The following UTRN variants were observed in gnomAD, a reference collection of about 807,000 sequenced individuals.
UTRN encodes dystrophin-related protein 1.
In UTRN, 283 loss-of-function variants were observed where a neutral mutation model predicts 463.9. The observed-to-expected ratio is 0.61, with a 90% confidence interval of 0.55 to 0.67. UTRN has a LOEUF of 0.67. UTRN is among the 30% of genes least tolerant of loss of function. The probability of loss-of-function intolerance (pLI) is 0.00; values close to 1 mark genes in which losing one functional copy is unlikely to be tolerated. For synonymous variants in UTRN, 1,442 were observed against 1,431.5 expected (o/e 1.01, Z -0.17); for missense variants, 3,922 against 4,084.3 (o/e 0.96, Z 1.08).
chr6:144,477,370 A>T (rs1378405562), intron 25 of UTRN, among the ~76,000 whole-genome samples: 1 of 152,190 alleles, frequency 6.6e-6, no homozygotes, highest in Non-Finnish European at 1.5e-5. Context: ...GCATAACTGA[A>T]TATTTTGCTT....
At chr6:144,762,243 C>T (rs1260116436) in intron 58 of UTRN, among the ~76,000 whole-genome samples, 1 of 152,168 alleles carries the variant, frequency 6.6e-6, no homozygotes, top group African/African-American at 2.4e-5. Context: ...TTGTCTACAG[C>T]TCCTGAACTC....
At chr6:144,775,411 T>G (rs1442600796) in intron 60 of UTRN, among the ~76,000 whole-genome samples, 1 of 152,110 alleles carries the variant, frequency 6.6e-6, no homozygotes, top group Non-Finnish European at 1.5e-5. Context: ...CAAGGAAGAA[T>G]GAGATGACCT....
At chr6:144,334,120 G>C (rs1776538080) in intron 2 of UTRN, among the ~76,000 whole-genome samples, 1 of 152,024 alleles carries the variant, frequency 6.6e-6, no homozygotes. Flanking sequence ...ATGATGATTT[G>C]CACTTCTGAC....
At chr6:144,533,021 G>T in intron 42 of UTRN, 64 bp from the exon 43 acceptor site, 1 of 845,584 alleles carries the variant, frequency 1.2e-6, no homozygotes. Flanking sequence ...TACTTGGGTG[G>T]ATTCATTGCA....
At chr6:144,640,412 C>A (rs182508254) in intron 51 of UTRN, among the ~76,000 whole-genome samples, 270 of 152,160 alleles carry the variant, frequency 1.8e-3, no homozygotes, top group African/African-American at 6.3e-3. Flanking sequence ...ACCAAGGAAC[C>A]CCAAAAGCTT....
At chr6:144,784,702 T>C (rs1050726778) in intron 61 of UTRN, among the ~76,000 whole-genome samples, 1 of 152,184 alleles carries the variant, frequency 6.6e-6, no homozygotes, top group Non-Finnish European at 1.5e-5. Context: ...GTGTGTGAAA[T>C]GCCGTGATTC....
chr6:144,821,719 A>G (rs1343000756), intron 66 of UTRN, among the ~76,000 whole-genome samples: 1 of 152,116 alleles, frequency 6.6e-6, no homozygotes, highest in African/African-American at 2.4e-5. Context: ...AATGACCCAG[A>G]AAAAATGCAA....
intron 2 of UTRN, among the ~76,000 whole-genome samples, chr6:144,367,913 C>T (rs911995987): frequency 4.6e-5 from 7 of 152,228 alleles, no homozygotes; most frequent in Admixed American, 1.3e-4. Context: ...TTCCGAGTAG[C>T]TGGGATTACA....
Position 144,537,585 on chromosome 6 carries a change from A to T in UTRN, c.6237A>T (p.Leu2079=). ...TTTAAATAATATATTCTTTTAGGCT[A>T]AAAGGAGAAAGTAAGCAGGTGATGA... is the stretch of plus-strand genomic sequence containing the variant. ...VAEVKDRQPR[L]KGESKQVMKY... is the part of the protein sequence containing the mutation. The change falls in exon 44 of 75, where the codon CTA becomes CTT. Residue 2079 remains leucine, a synonymous_variant. Coordinates refer to ENST00000367545, the MANE Select transcript of UTRN (RefSeq NM_007124.3). 6.4e-7 allele frequency: 1 copy of T among 1,573,942 alleles called. No homozygotes were observed. Among genetic ancestry groups the T allele is most frequent in the Non-Finnish European group, 8.6e-7 (1 of 1,162,980 alleles).
intron 46 of UTRN, among the ~76,000 whole-genome samples, chr6:144,545,067 A>G (rs1305359779): frequency 6.6e-6 from 1 of 152,164 alleles, no homozygotes; most frequent in Non-Finnish European, 1.5e-5. Flanking sequence ...TGATTCACCC[A>G]GTCCTTAGGC....
intron 51 of UTRN, among the ~76,000 whole-genome samples, chr6:144,676,589 A>G (rs891739660): frequency 1.3e-5 from 2 of 151,560 alleles, no homozygotes; most frequent in African/African-American, 4.9e-5. Context: ...GGTTTGTTAC[A>G]TAGGTATACA....
chr6:144,678,589 T>A lies in UTRN; in HGVS notation c.7652+11T>A. On this transcript the variant is annotated intron_variant, in intron 52 of 74. Transcript: ENST00000367545. Reference sequence around the variant, plus strand: ...ATCTGCTAGCATCAGGTCAGAATAGTCAATATCAAAATAAAAATAATGGGG... The same window carrying A: ...ATCTGCTAGCATCAGGTCAGAATAGACAATATCAAAATAAAAATAATGGGG... 1 of 1,578,618 alleles carries A rather than the reference T, an allele frequency of 6.3e-7. No homozygotes were observed. Among genetic ancestry groups the A allele is most frequent in the Non-Finnish European group, 8.6e-7 (1 of 1,157,564 alleles).
At chr6:144,409,117 A>G (rs1783664319) in intron 3 of UTRN, among the ~76,000 whole-genome samples, 1 of 152,220 alleles carries the variant, frequency 6.6e-6, no homozygotes, top group African/African-American at 2.4e-5. Flanking sequence ...AATGTACTCC[A>G]TATTCTTAAA....
intron 32 of UTRN, 120 bp from the exon 33 acceptor site, chr6:144,493,181 C>T: frequency 4.6e-6 from 4 of 875,318 alleles, no homozygotes; most frequent in Non-Finnish European, 6.7e-6. Flanking sequence ...AGATGATGGC[C>T]TTTGATCACC....
intron 52 of UTRN, among the ~76,000 whole-genome samples, chr6:144,679,996 C>CT (rs1331032800): frequency 1.3e-5 from 2 of 152,030 alleles, no homozygotes; most frequent in African/African-American, 4.8e-5. Flanking sequence ...AGGGATTATA[C>CT]TTTTTTAAGA....
intron 74 of UTRN, among the ~76,000 whole-genome samples, chr6:144,848,856 C>T (rs1228795532): frequency 3.9e-5 from 6 of 151,996 alleles, no homozygotes; most frequent in South Asian, 2.1e-4. Flanking sequence ...ACATGACCTA[C>T]GGAGTCAGTA....
chr6:144,287,932 C>G (rs1387099366), intron 1 of UTRN, among the ~76,000 whole-genome samples: 3 of 152,206 alleles, frequency 2.0e-5, no homozygotes, highest in African/African-American at 7.2e-5. Context: ...CTCACCTAGC[C>G]TTCTGTGAAG....
intron 65 of UTRN, among the ~76,000 whole-genome samples, chr6:144,805,783 C>G: frequency 6.6e-6 from 1 of 152,136 alleles, no homozygotes; most frequent in Non-Finnish European, 1.5e-5. Context: ...CCCTGTACAA[C>G]TGCATAAGTG....
chr6:144,498,407 A>G (rs1793861174), intron 33 of UTRN, among the ~76,000 whole-genome samples: 1 of 152,214 alleles, frequency 6.6e-6, no homozygotes, highest in Non-Finnish European at 1.5e-5. Flanking sequence ...GTCAACAACA[A>G]TGAGAGCAAA....
Sources: gnomAD v4.1 joint callset for allele counts (sites outside exome capture counted in the v4.1 genomes callset) on GRCh38, gnomAD v4.1.1 for gene constraint, MANE v1.5 for transcripts, NCBI Gene and HGNC (gene_info 2026-07-23, HGNC 2026-07-21) for gene names.